Variants in PLXDC1 observed in about 807,000 individuals in gnomAD.
The protein encoded by PLXDC1 is plexin domain containing 1, also known as plexin domain-containing protein 1.
In PLXDC1, 39 loss-of-function variants were observed where a neutral mutation model predicts 61.3. The observed-to-expected ratio is 0.64, with a 90% CI of 0.49 to 0.83. PLXDC1 has a LOEUF of 0.83. Ranked by LOEUF, PLXDC1 falls within the 40% of genes least tolerant of loss-of-function variation. The probability of loss-of-function intolerance (pLI) is 0.00; values close to 1 mark genes in which losing one functional copy is unlikely to be tolerated. For missense variants in PLXDC1, 596 were observed against 666.5 expected, an observed-to-expected ratio of 0.89 and a Z score of 1.17; for synonymous variants, 212 against 254.5, an observed-to-expected ratio of 0.83 and a Z score of 1.59.
At chr17:39,143,421 C>G (rs1258131168) in intron 1 of PLXDC1, among the ~76,000 whole-genome samples, 2 of 152,202 alleles carry the variant, frequency 1.3e-5, no homozygotes, top group Non-Finnish European at 2.9e-5. Flanking sequence ...CCTACGTGTG[C>G]GACTATGTGC....
chr17:39,089,384 C>G (rs1264965509), intron 7 of PLXDC1, among the ~76,000 whole-genome samples: 1 of 152,196 alleles, frequency 6.6e-6, no homozygotes, highest in African/African-American at 2.4e-5. Context: ...GATGCAGGCT[C>G]AGAACCTGTG....
chr17:39,116,394 A>G (rs1910966075), intron 2 of PLXDC1, among the ~76,000 whole-genome samples: 1 of 152,188 alleles, frequency 6.6e-6, no homozygotes, highest in Non-Finnish European at 1.5e-5. Context: ...GGTGTTCAGC[A>G]TCTGCTTGCC....
rs1189151315 is a variant in PLXDC1 at position 39,132,786 on chromosome 17, T to C, written c.255+6868A>G. Among the ~76,000 whole-genome samples the C allele has an allele frequency of 2.6e-5, 4 of 151,614 alleles. No homozygotes were observed. In the East Asian group the frequency reaches 5.8e-4, roughly 22 times the overall value. Reference sequence around the variant, plus strand: ...AGCCAGGAGGGTTACTGAGGAACGATGGAGGAAGGTGATGGGGCACTGGGG... The same window carrying C: ...AGCCAGGAGGGTTACTGAGGAACGACGGAGGAAGGTGATGGGGCACTGGGG... On this transcript the variant is annotated intron_variant, in intron 2 of 13. Coordinates refer to ENST00000315392, the MANE Select transcript of PLXDC1 (RefSeq NM_020405.5).
chr17:39,069,864 A>T lies in PLXDC1; in HGVS notation c.1375T>A (p.Phe459Ile), dbSNP rs777162271. The T allele has an allele frequency of 6.2e-7, 1 of 1,613,622 alleles. No homozygotes were observed. The highest frequency in any genetic ancestry group is 1.7e-5 in the Admixed American group (1 of 59,996). The change falls in exon 13 of 14, where the codon TTC becomes ATC. Residue 459 changes from phenylalanine (F) to isoleucine (I), a missense_variant. Coordinates refer to ENST00000315392, the MANE Select transcript of PLXDC1 (RefSeq NM_020405.5). ...GHPTSNAALF[F>I]IERRPHHWPA... ...CCACAGATGACACGGACCTCGATGA[A>T]GAAGAGCGCAGCATTGGATGTGGGG...
At chr17:39,096,911 T>C (rs1910227765) in intron 7 of PLXDC1, 1 of 471,196 alleles carries the variant, frequency 2.1e-6, no homozygotes, top group Non-Finnish European at 4.4e-6. Context: ...TGCAAACAGA[T>C]GCTGCTAATT....
chr17:39,105,527 T>C (rs1261617223), intron 7 of PLXDC1, among the ~76,000 whole-genome samples: 3 of 151,932 alleles, frequency 2.0e-5, no homozygotes, highest in Non-Finnish European at 2.9e-5. Flanking sequence ...GCCACAATGG[T>C]TGTATTCTGG....
intron 5 of PLXDC1, 59 bp from the exon 6 acceptor site, chr17:39,107,584 C>G: frequency 8.0e-7 from 1 of 1,242,664 alleles, no homozygotes; most frequent in Admixed American, 1.7e-5. Context: ...CAGGGCCCTA[C>G]AGAAATGCCA....
At chr17:39,128,602 A>G (rs1463570604) in intron 2 of PLXDC1, among the ~76,000 whole-genome samples, 1 of 152,156 alleles carries the variant, frequency 6.6e-6, no homozygotes, top group Non-Finnish European at 1.5e-5. Flanking sequence ...GCTGGTGGGA[A>G]TGTAAAATAG....
At chr17:39,138,286 C>T (rs571147382) in intron 2 of PLXDC1, among the ~76,000 whole-genome samples, 72 of 151,982 alleles carry the variant, frequency 4.7e-4, no homozygotes, top group African/African-American at 1.1e-3. Flanking sequence ...AATGTAGCTA[C>T]GGTAGGCACA....
At chr17:39,137,282 C>T (rs1373657453) in intron 2 of PLXDC1, 10 of 152,202 alleles carry the variant, frequency 6.6e-5, no homozygotes, top group African/African-American at 1.4e-4. Flanking sequence ...AGGCCTTGAG[C>T]GGTGGCTTAC....
intron 7 of PLXDC1, among the ~76,000 whole-genome samples, chr17:39,105,492 TC>T (rs1910560604): frequency 6.6e-6 from 1 of 152,038 alleles, no homozygotes; most frequent in African/African-American, 2.4e-5. Flanking sequence ...CCTATGATGC[TC>T]CCTTTATCAC....
intron 2 of PLXDC1, among the ~76,000 whole-genome samples, chr17:39,115,080 C>T (rs919496606): frequency 1.3e-5 from 2 of 152,226 alleles, no homozygotes; most frequent in African/African-American, 4.8e-5. Flanking sequence ...GCAGTCTGAT[C>T]CAAACTAGTG....
chr17:39,146,513 C>T (rs1039508657), intron 1 of PLXDC1, among the ~76,000 whole-genome samples: 1 of 151,938 alleles, frequency 6.6e-6, no homozygotes, highest in African/African-American at 2.4e-5. Flanking sequence ...CCCATCTCTA[C>T]TAAAATTTTT....
At chr17:39,106,713 G>A (rs868114188) in intron 6 of PLXDC1, among the ~76,000 whole-genome samples, 1 of 142,904 alleles carries the variant, frequency 7.0e-6, no homozygotes, top group Non-Finnish European at 1.5e-5. Flanking sequence ...GCAGTGGCAC[G>A]ATCTCAGCTC....
chr17:39,077,643 C>T (rs1747309382), intron 11 of PLXDC1, among the ~76,000 whole-genome samples: 2 of 152,176 alleles, frequency 1.3e-5, no homozygotes, highest in African/African-American at 2.4e-5. Context: ...TTAATTTTTC[C>T]CCTCTTCACA....
At chr17:39,077,759 C>T (rs1909396232) in intron 11 of PLXDC1, among the ~76,000 whole-genome samples, 154 bp downstream of exon 11, 3 of 152,204 alleles carry the variant, frequency 2.0e-5, no homozygotes, top group African/African-American at 4.8e-5. Flanking sequence ...GTGACCTAAA[C>T]TGTCTGAACT....
At chr17:39,098,921 G>C (rs1346545535) in intron 7 of PLXDC1, among the ~76,000 whole-genome samples, 1 of 152,194 alleles carries the variant, frequency 6.6e-6, no homozygotes, top group Non-Finnish European at 1.5e-5. Context: ...ACTGCACCCA[G>C]CTGTGCCCGG....
chr17:39,070,462 G>C (rs1909072743), intron 12 of PLXDC1: 1 of 155,770 alleles, frequency 6.4e-6, no homozygotes, highest in East Asian at 1.9e-4. Context: ...TTTTGAACAA[G>C]GATAATAACA....
At chr17:39,069,243 C>T (rs1238887803) in intron 13 of PLXDC1, among the ~76,000 whole-genome samples, 1 of 152,056 alleles carries the variant, frequency 6.6e-6, no homozygotes, top group East Asian at 1.9e-4. Context: ...GCGGCTGGGA[C>T]CACAGGTACG....
Sources: allele counts gnomAD v4.1 joint callset (sites outside exome capture counted in the v4.1 genomes callset), GRCh38; gene constraint gnomAD v4.1.1; transcripts MANE v1.5; gene names NCBI Gene and HGNC (gene_info 2026-07-23, HGNC 2026-07-21).